Variants in RAB6A observed in about 807,000 individuals in gnomAD.
RAB6A encodes RAB6A, member RAS oncogene family.
Under a neutral mutation model 32.3 loss-of-function variants are expected in RAB6A, and 8 were observed. That is an observed-to-expected ratio of 0.25 (90% CI 0.15 to 0.45). The LOEUF is 0.45. Among genes scored for constraint, RAB6A ranks in the 20% least tolerant of loss-of-function variants. The probability of loss-of-function intolerance (pLI) is 1.00; values close to 1 mark genes in which losing one functional copy is unlikely to be tolerated. For missense variants in RAB6A, 104 were observed against 249.4 expected, an observed-to-expected ratio of 0.42 and a Z score of 3.93; for synonymous variants, 73 against 82.1, an observed-to-expected ratio of 0.89 and a Z score of 0.60.
At chr11:73,700,957 C>T (rs1329971896) in intron 6 of RAB6A, among the ~76,000 whole-genome samples, 2 of 152,108 alleles carry the variant, frequency 1.3e-5, no homozygotes, top group African/African-American at 4.8e-5. Flanking sequence ...TTCTTGGGTG[C>T]TACAGCCTAG....
At chr11:73,708,347 T>TTA (rs1565357034) in intron 5 of RAB6A, among the ~76,000 whole-genome samples, 4 of 152,300 alleles carry the variant, frequency 2.6e-5, no homozygotes, top group Middle Eastern at 3.4e-3. Flanking sequence ...TTTTGTATTT[T>TTA]TAGTAGAGAC....
chr11:73,721,824 G>A (rs1455987973), intron 2 of RAB6A, among the ~76,000 whole-genome samples: 1 of 152,098 alleles, frequency 6.6e-6, no homozygotes, highest in African/African-American at 2.4e-5. Context: ...TTTAAAATAT[G>A]AGTCACTAAG....
In RAB6A at chr11:73,677,838, G is replaced by GCT; in HGVS notation, c.*59_*60insAG. 2 of 1,610,930 alleles carry GCT rather than the reference G, an allele frequency of 1.2e-6. No individual in the cohort carries two copies. The highest frequency in any genetic ancestry group is 2.2e-5 in the South Asian group (2 of 90,992). The stretch of plus-strand genomic sequence containing the variant: ...AGCCAATATTCACACTGCAGTCAAT[G>GCT]AAAGAGTAAGGGGGCCAAAGCAGTG... On this transcript the variant is annotated 3_prime_UTR_variant, in exon 8 of 8. Coordinates refer to ENST00000336083, the MANE Select transcript of RAB6A (RefSeq NM_198896.2).
intron 2 of RAB6A, among the ~76,000 whole-genome samples, chr11:73,721,638 G>A (rs1946134274): frequency 6.6e-6 from 1 of 152,084 alleles, no homozygotes; most frequent in Non-Finnish European, 1.5e-5. Flanking sequence ...TAAAAAGAAT[G>A]GAAGAAAGAC....
At chr11:73,716,513 T>A in intron 4 of RAB6A, 151 bp from the exon 5 acceptor site, 2 of 542,870 alleles carry the variant, frequency 3.7e-6, no homozygotes, top group Non-Finnish European at 6.7e-6. Context: ...AACTCCATTT[T>A]ATCTGATTAC....
chr11:73,745,123 G>C (rs1946566945), intron 1 of RAB6A, among the ~76,000 whole-genome samples: 1 of 152,104 alleles, frequency 6.6e-6, no homozygotes, highest in Non-Finnish European at 1.5e-5. Flanking sequence ...GGAAAAAATA[G>C]GAAAAATTGG....
intron 1 of RAB6A, among the ~76,000 whole-genome samples, chr11:73,758,499 T>TA (rs970491116): frequency 1.3e-4 from 19 of 151,920 alleles, no homozygotes; most frequent in Admixed American, 9.2e-4. Context: ...TGAAGTCTAT[T>TA]AAAAAAAATC....
At chr11:73,696,271 C>A (rs1945654702) in intron 6 of RAB6A, among the ~76,000 whole-genome samples, 3 of 152,212 alleles carry the variant, frequency 2.0e-5, no homozygotes, top group Admixed American at 2.0e-4. Context: ...AATCTCGGCT[C>A]ACTGCAACCT....
chr11:73,689,675 C>T (rs558389956), intron 6 of RAB6A, among the ~76,000 whole-genome samples: 2 of 152,326 alleles, frequency 1.3e-5, no homozygotes, highest in Admixed American at 1.3e-4. Context: ...TCAACCCCCA[C>T]CACCACTTTG....
intron 6 of RAB6A, among the ~76,000 whole-genome samples, chr11:73,693,881 G>C (rs1199063240): frequency 6.6e-6 from 1 of 151,816 alleles, no homozygotes; most frequent in Non-Finnish European, 1.5e-5. Flanking sequence ...AAAAAGCTAG[G>C]TAAGAGTAAT....
At chr11:73,690,026 C>A (rs1272352617) in intron 6 of RAB6A, among the ~76,000 whole-genome samples, 1 of 151,720 alleles carries the variant, frequency 6.6e-6, no homozygotes, top group Admixed American at 6.6e-5. Flanking sequence ...AACTTCTTTT[C>A]ACATGGTGTA....
chr11:73,752,635 T>C lies in RAB6A; in HGVS notation c.70+7931A>G, dbSNP rs118088344. 5.9e-5 allele frequency among the ~76,000 whole-genome samples: 9 copies of C among 152,160 alleles called. No individual in the cohort carries two copies. In the East Asian group the frequency reaches 1.7e-3, roughly 29 times the overall value. On this transcript the variant is annotated intron_variant, in intron 1 of 7. Transcript: ENST00000336083. ...GAATTCGAGATGAGCCTGGGCAACA[T>C]GGCAAAACGCCATCTCTACCAAAAA...
rs1256971210 is a variant in RAB6A, at chr11:73,714,205, A to ATATATAT, written c.401+2045_401+2046insATATATA. ...AGAACTCCATCTCAAAAAAAAAAAAAAAAAATATATATATATATATATATA... is the reference window on the plus strand; with the variant it reads ...AGAACTCCATCTCAAAAAAAAAAAAATATATATAAAAATATATATATATATATATATA... On this transcript the variant is annotated intron_variant, in intron 5 of 7. Transcript: ENST00000336083. Among the ~76,000 whole-genome samples, 20 of 62,892 alleles carry ATATATAT rather than the reference A, an allele frequency of 3.2e-4. 1 individual carries two copies. Among genetic ancestry groups the ATATATAT allele is most frequent in the Non-Finnish European group, 3.8e-4 (12 of 31,402 alleles). 41.3% of individuals were successfully genotyped at this position (62,892 alleles called of 152,430 possible). A position where few individuals can be genotyped will look rare whatever the true frequency, so the allele number is the denominator to read the frequency against.
intron 5 of RAB6A, among the ~76,000 whole-genome samples, chr11:73,714,239 T>C (rs1253460910): frequency 7.3e-6 from 1 of 137,116 alleles, no homozygotes; most frequent in Non-Finnish European, 1.6e-5. Flanking sequence ...TACACACATA[T>C]AATTTGACAA....
At chr11:73,714,075 C>A (rs1946009616) in intron 5 of RAB6A, among the ~76,000 whole-genome samples, 2 of 151,128 alleles carry the variant, frequency 1.3e-5, no homozygotes, top group African/African-American at 4.9e-5. Context: ...TCTTGTAATT[C>A]CAGCTACTCG....
intron 3 of RAB6A, 41 bp downstream of exon 3, chr11:73,720,805 T>C: frequency 2.0e-6 from 3 of 1,469,770 alleles, no homozygotes; most frequent in Non-Finnish European, 2.8e-6. Flanking sequence ...TTTTCTAACC[T>C]GGAATGTTGC....
chr11:73,709,868 C>T (rs1036486647), intron 5 of RAB6A, among the ~76,000 whole-genome samples: 14 of 95,504 alleles, frequency 1.5e-4, no homozygotes, highest in South Asian at 8.2e-4. Context: ...TACATATATA[C>T]ACATATACAT....
intron 2 of RAB6A, among the ~76,000 whole-genome samples, chr11:73,724,045 A>G (rs1946180647): frequency 6.6e-6 from 1 of 152,222 alleles, no homozygotes; most frequent in Non-Finnish European, 1.5e-5. Flanking sequence ...TTTAAAGAAA[A>G]AATTGAACTG....
At position 73,721,017 on chromosome 11, in the gene RAB6A, T is replaced by C. The variant is rs541926024; in HGVS notation, c.130-118A>G. The C allele has an allele frequency of 4.8e-5, 38 of 787,160 alleles. No homozygotes were observed. The African/African-American group carries it at 5.6e-4, about 12-fold the overall frequency. 48.8% of individuals were successfully genotyped at this position (787,160 alleles called of 1,614,324 possible). On this transcript the variant is annotated intron_variant, in intron 2 of 7. Transcript: ENST00000336083. The stretch of plus-strand genomic sequence containing the variant: ...AATGAATAAACAAATCAATACAACA[T>C]AGTCAATTAAGGACAATTAAGGACA...
Sources: allele counts gnomAD v4.1 joint callset (sites outside exome capture counted in the v4.1 genomes callset), GRCh38; gene constraint gnomAD v4.1.1; transcripts MANE v1.5; gene names NCBI Gene and HGNC (gene_info 2026-07-23, HGNC 2026-07-21).